The following FZR1 variants were observed in gnomAD, a reference collection of about 807,000 sequenced individuals.
FZR1 encodes the protein fizzy and cell division cycle 20 related 1, also known as fizzy-related protein homolog.
In FZR1, 11 loss-of-function variants were observed where a neutral mutation model predicts 63.6. The observed-to-expected ratio is 0.17, with a 90% CI of 0.11 to 0.29. FZR1 has a LOEUF of 0.29. Among genes scored for constraint, FZR1 ranks in the 10% least tolerant of loss-of-function variants. The pLI, the probability that FZR1 is intolerant of heterozygous loss-of-function variation, is 1.00. For missense variants in FZR1, 440 were observed against 687.5 expected (o/e 0.64, Z 4.03); for synonymous variants, 328 against 297.9 (o/e 1.10, Z -1.04).
chr19:3,512,432 G>T (rs997891822), intron 1 of FZR1, among the ~76,000 whole-genome samples: 4 of 152,242 alleles, frequency 2.6e-5, no homozygotes, highest in African/African-American at 9.6e-5. Flanking sequence ...TGTCCCAAGA[G>T]GTGAAGCTGC....
intron 1 of FZR1, chr19:3,521,225 G>A (rs2121935254): frequency 6.6e-6 from 1 of 152,348 alleles, no homozygotes; most frequent in African/African-American, 2.4e-5. Flanking sequence ...AGGAAGTGCT[G>A]GGTCATGTGG....
chr19:3,526,963 T>G lies in FZR1; in HGVS notation c.388-17T>G. On this transcript the variant is annotated splice_polypyrimidine_tract_variant and intron_variant, in intron 5 of 13. Coordinates refer to ENST00000441788, the MANE Select transcript of FZR1 (RefSeq NM_016263.4). This position sits in a 1 kb window ranked among gnomAD's most constrained non-coding sequence, Gnocchi z 5.4. ...GGCCTGGGCGTGCGCTCAGCTGGCA[T>G]GTCCCCCGCTCCACAGTATTCCCTT... is the stretch of plus-strand genomic sequence containing the variant. 6 of 1,596,368 alleles carry G rather than the reference T, an allele frequency of 3.8e-6. No individual in the cohort carries two copies. The highest frequency in any genetic ancestry group is 5.1e-6 in the Non-Finnish European group (6 of 1,166,790).
At position 3,523,070 on chromosome 19, in the gene FZR1, C is replaced by T. The variant is rs756021578; in HGVS notation, c.69+12C>T. The T allele has an allele frequency of 1.4e-5, 22 of 1,559,676 alleles. No homozygotes were observed. Among genetic ancestry groups the T allele is most frequent in the African/African-American group, 4.1e-5 (3 of 73,858 alleles). ...ACACGATGCCACGCGTGAGTGCCCC[C>T]GCCCTGCCCACCACTGTGGCTCCCC... On this transcript the variant is annotated intron_variant, in intron 2 of 13. Transcript: ENST00000441788.
intron 1 of FZR1, among the ~76,000 whole-genome samples, chr19:3,507,289 A>G (rs937317671): frequency 1.3e-5 from 2 of 149,756 alleles, no homozygotes; most frequent in Non-Finnish European, 3.0e-5. Flanking sequence ...TGTCTTCTCC[A>G]AACGCAAGCC....
chr19:3,532,072 G>A lies in FZR1; in HGVS notation c.985G>A (p.Ala329Thr), dbSNP rs773917396. The change falls in exon 10 of 14, where the codon GCC becomes ACC. Residue 329 changes from alanine to threonine, a missense_variant. Ala to Thr is a moderately conservative substitution (Grantham distance 58). Transcript: ENST00000441788. The part of the protein sequence containing the change: ...LKWSTDHQLL[A>T]SGGNDNKLLV... The stretch of plus-strand genomic sequence containing the variant: ...GTGGTCCACAGACCACCAGCTCCTC[G>A]CCTCGGGGGGCAACGACAACAAGGT... 4.0e-6 allele frequency: 6 copies of A among 1,516,318 alleles called. No homozygotes were observed. Among genetic ancestry groups the A allele is most frequent in the Admixed American group, 2.0e-5 (1 of 49,144 alleles). The allele number at this position is 1,516,318 out of a possible 1,614,324, so 93.9% of individuals were successfully genotyped here.
chr19:3,528,781 GCGTGGATGGGAGAGTGGATGGGTA>G (rs1284521460), intron 7 of FZR1, among the ~76,000 whole-genome samples: 7 of 130,242 alleles, frequency 5.4e-5, no homozygotes, highest in Non-Finnish European at 3.4e-5. Flanking sequence ...GTGGATGGGT[GCGTGGATGGGAGAGTGGATGGGTA>G]CGTGGATGGG....
At position 3,515,767 on chromosome 19, in the gene FZR1, A is replaced by T. The variant is rs1471748577; in HGVS notation, c.-34-7189A>T. 4.7e-4 allele frequency among the ~76,000 whole-genome samples: 15 copies of T among 31,998 alleles called. No homozygotes were observed. The highest frequency in any genetic ancestry group is 4.0e-3 in the Admixed American group (10 of 2,484). The allele number at this position is 31,998 out of a possible 152,430, so 21.0% of individuals were successfully genotyped here. A position where few individuals can be genotyped will look rare whatever the true frequency, so the allele number is the denominator to read the frequency against. ...GGTGACAGAGCCAGACTCCGTCTCT[A>T]AAAAAAAAAAAAAAAGGAATTCAAG... is the stretch of plus-strand genomic sequence containing the variant. On this transcript the variant is annotated intron_variant, in intron 1 of 13. Transcript: ENST00000441788. The surrounding 1 kb of genome is among the most constrained non-coding windows in gnomAD (Gnocchi z 4.6).
chr19:3,527,002 C>G lies in FZR1; in HGVS notation c.410C>G (p.Ser137Cys), dbSNP rs2083165953. 6.2e-7 allele frequency: 1 copy of G among 1,612,310 alleles called. No homozygotes were observed. Residue 137 changes from serine to cysteine, a missense_variant, in exon 6 of 14, where the codon TCC (serine) becomes TGC (cysteine). Ser to Cys is a moderately radical substitution (Grantham distance 112). This residue lies in a region of FZR1 where 200 missense variants were observed against 245.1 expected (regional missense o/e 0.82). Transcript: ENST00000441788. ...LFTYSLSTKR[S>C]SPDDGNDVSP... ...CAGTATTCCCTTAGCACCAAGCGCT[C>G]CAGCCCCGATGACGGCAACGATGTG...
chr19:3,509,094 C>T (rs931862636), intron 1 of FZR1, among the ~76,000 whole-genome samples: 1 of 152,262 alleles, frequency 6.6e-6, no homozygotes, highest in East Asian at 1.9e-4. Context: ...TCGTCAACTC[C>T]GCTTGTCACT....
At chr19:3,509,291 C>A (rs773839221) in intron 1 of FZR1, among the ~76,000 whole-genome samples, 2 of 152,214 alleles carry the variant, frequency 1.3e-5, no homozygotes, top group Non-Finnish European at 2.9e-5. Context: ...GGATGAGGGG[C>A]ACACAAGCAG....
At position 3,526,383 on chromosome 19, in the gene FZR1, C is replaced by T. The variant is rs1245787564; in HGVS notation, c.384C>T (p.Phe128=). The T allele has an allele frequency of 6.3e-7, 1 of 1,578,264 alleles. No individual in the cohort carries two copies. Among genetic ancestry groups the T allele is most frequent in the Non-Finnish European group, 8.6e-7 (1 of 1,161,890 alleles). ...CCACGCCTGAGAAGAAGGGTCTGTT[C>T]ACGGTAAGCCTGCGGCACCCCCCAC... ...QPSTPEKKGL[F]TYSLSTKRSS... Residue 128 remains phenylalanine, a synonymous_variant, in exon 5 of 14, where the codon TTC becomes TTT. Transcript: ENST00000441788. The surrounding 1 kb of genome is among the most constrained non-coding windows in gnomAD (Gnocchi z 5.4).
In FZR1 at chr19:3,533,424, G is replaced by GTGCCCCGGGATTCTGGACAAAC. The variant is rs764479905; in HGVS notation, c.1347+31_1347+52dup. The GTGCCCCGGGATTCTGGACAAAC allele has an allele frequency of 3.5e-5, 50 of 1,442,950 alleles. No homozygotes were observed. The highest frequency in any genetic ancestry group is 3.9e-5 in the Non-Finnish European group (40 of 1,025,282). The allele number at this position is 1,442,950 out of a possible 1,614,324, so 89.4% of individuals were successfully genotyped here. On this transcript the variant is annotated intron_variant, in intron 12 of 13. Transcript: ENST00000441788. The surrounding 1 kb of genome is among the most constrained non-coding windows in gnomAD (Gnocchi z 4.9). ...GTGAGTTCACGCCAGGCACTTCAAG[G>GTGCCCCGGGATTCTGGACAAAC]TGCCCCGGGATTCTGGACAAACTGC...
rs1186911824 is a variant in FZR1, at chr19:3,526,025, C to T, written c.195+32C>T. On this transcript the variant is annotated intron_variant, in intron 3 of 13. Coordinates refer to ENST00000441788, the MANE Select transcript of FZR1 (RefSeq NM_016263.4). The surrounding 1 kb of genome is among the most constrained non-coding windows in gnomAD (Gnocchi z 5.4). ...GGCTGGCTGGGCAGGAGATGGGACC[C>T]CCCGGGAAGCCCAGGGCCCCTCCCA... 2.5e-6 allele frequency: 4 copies of T among 1,611,338 alleles called. No individual in the cohort carries two copies. Among genetic ancestry groups the T allele is most frequent in the Middle Eastern group, 1.7e-4 (1 of 6,054 alleles).
intron 1 of FZR1, among the ~76,000 whole-genome samples, chr19:3,520,293 T>G (rs935103243): frequency 1.3e-5 from 2 of 151,690 alleles, no homozygotes; most frequent in African/African-American, 4.8e-5. Flanking sequence ...GAGAAGGGGA[T>G]GGGGAGGAGG....
At chr19:3,530,920 G>A (rs1266200736) in intron 8 of FZR1, 63 bp downstream of exon 8, 2 of 1,334,908 alleles carry the variant, frequency 1.5e-6, no homozygotes, top group East Asian at 2.4e-5. Flanking sequence ...AGTGTTGGGG[G>A]CCTTGAAGAC....
rs918478333 is a variant in FZR1, at chr19:3,516,310, C to T, written c.-34-6646C>T. Among the ~76,000 whole-genome samples, 4 of 152,198 alleles carry T rather than the reference C, an allele frequency of 2.6e-5. No homozygotes were observed. The highest frequency in any genetic ancestry group is 9.6e-5 in the African/African-American group (4 of 41,452). On this transcript the variant is annotated intron_variant, in intron 1 of 13. Transcript: ENST00000441788. This position sits in a 1 kb window ranked among gnomAD's most constrained non-coding sequence, Gnocchi z 6.0. ...TCCTGACTGCGAGGGAGGACTGGTC[C>T]TTTCCCAGTGCGGTTTGTTGGTGTC...
chr19:3,530,465 T>TGAGCGCATGGGA (rs970472498), intron 7 of FZR1, among the ~76,000 whole-genome samples: 8 of 107,150 alleles, frequency 7.5e-5, no homozygotes, highest in Admixed American at 4.5e-4. Context: ...AGCGCATGGA[T>TGAGCGCATGGGA]GAGCGCATGG....
intron 1 of FZR1, among the ~76,000 whole-genome samples, chr19:3,508,261 ATCTCGGC>A (rs1412888123): frequency 1.5e-5 from 2 of 133,242 alleles, no homozygotes; most frequent in African/African-American, 5.9e-5. Context: ...CAGTGGCGCG[ATCTCGGC>A]TCACCGCAAC....
At position 3,507,154 on chromosome 19, in the gene FZR1, C is replaced by T. The variant is rs148267326; in HGVS notation, c.-35+680C>T. ...GCTGATTTCTGCTCCCCCACCCTCCCAGCGTGCCCCCTACCAGCCCCCATT... is the reference window on the plus strand; with the variant it reads ...GCTGATTTCTGCTCCCCCACCCTCCTAGCGTGCCCCCTACCAGCCCCCATT... On this transcript the variant is annotated intron_variant, in intron 1 of 13. Transcript: ENST00000441788. 1.5e-3 allele frequency among the ~76,000 whole-genome samples: 228 copies of T among 148,876 alleles called. 1 individual carries two copies. The highest frequency in any genetic ancestry group is 1.6e-3 in the Non-Finnish European group (107 of 66,994).
Sources: gnomAD v4.1 joint callset for allele counts (sites outside exome capture counted in the v4.1 genomes callset) on GRCh38, gnomAD v4.1.1 for gene constraint, gnomAD v4.1.1 regional missense constraint, Gnocchi (gnomAD v3.1) non-coding constraint, MANE v1.5 for transcripts, NCBI Gene and HGNC (gene_info 2026-07-23, HGNC 2026-07-21) for gene names.